The following DNM3 variants were observed in gnomAD, a reference collection of about 807,000 sequenced individuals.
DNM3 encodes the protein dynamin 3.
In DNM3, 47 loss-of-function variants were observed where a neutral mutation model predicts 101.6. The ratio of observed to expected loss-of-function variants is 0.46; its 90% CI spans 0.37 to 0.59. DNM3 has a LOEUF of 0.59. Among genes scored for constraint, DNM3 ranks in the 20% least tolerant of loss-of-function variants. The probability of loss-of-function intolerance (pLI) is 0.00; values close to 1 mark genes in which losing one functional copy is unlikely to be tolerated. For missense variants in DNM3, 849 were observed against 1,085.7 expected, an observed-to-expected ratio of 0.78 and a Z score of 3.06; for synonymous variants, 385 against 387.9, an observed-to-expected ratio of 0.99 and a Z score of 0.09.
intron 14 of DNM3, among the ~76,000 whole-genome samples, chr1:172,195,218 A>G (rs530801953): frequency 6.6e-6 from 1 of 152,092 alleles, no homozygotes; most frequent in East Asian, 1.9e-4. Flanking sequence ...TTAATTTCAA[A>G]TCAAATTATT....
Position 172,388,800 on chromosome 1 carries a change from G to T in DNM3, c.2513G>T (p.Ser838Ile), listed in dbSNP as rs774937727. The change falls in exon 20 of 21, where the codon AGT becomes ATT. Residue 838 changes from serine (S) to isoleucine (I), a missense_variant. Physicochemically the swap from Ser to Ile is moderately radical, Grantham distance 142 (BLOSUM62 -2). Around this residue, in one of 5 missense-constraint regions of DNM3, gnomAD observed 256 missense variants for 311.7 expected, o/e 0.82. Coordinates refer to ENST00000627582, the MANE Select transcript of DNM3 (RefSeq NM_015569.5). ...VPSRPTRAPP[S>I]VPSRRPPPSP... is the part of the protein sequence containing the mutation. Reference sequence around the variant, plus strand: ...TCTAGGCCTACGAGGGCCCCGCCCAGTGTCCCAAGGTAAGGCATGGAGCAG... The same window carrying T: ...TCTAGGCCTACGAGGGCCCCGCCCATTGTCCCAAGGTAAGGCATGGAGCAG... 1 of 1,578,914 alleles carries T rather than the reference G, an allele frequency of 6.3e-7. No individual in the cohort carries two copies.
intron 14 of DNM3, among the ~76,000 whole-genome samples, chr1:172,197,167 C>T (rs879020621): frequency 6.6e-6 from 1 of 152,064 alleles, no homozygotes; most frequent in South Asian, 2.1e-4. Flanking sequence ...AATAGGGAGT[C>T]TTTTCCCCAT....
intron 10 of DNM3, among the ~76,000 whole-genome samples, chr1:172,062,311 T>C (rs78057682): frequency 0.1 from 15,241 of 152,144 alleles, 1,659 homozygotes; most frequent in African/African-American, 0.27. Flanking sequence ...CCTTTTTGGA[T>C]GTTTTCTGAA....
intron 13 of DNM3, among the ~76,000 whole-genome samples, chr1:172,120,040 A>T (rs1179035947): frequency 1.3e-5 from 2 of 152,170 alleles, no homozygotes; most frequent in African/African-American, 4.8e-5. Flanking sequence ...CCTCTCTCGA[A>T]TCTCTTCACC....
intron 14 of DNM3, chr1:172,140,201 G>A (rs2057494416): frequency 6.6e-6 from 1 of 151,982 alleles, no homozygotes; most frequent in Admixed American, 6.6e-5. Context: ...TTTATGCAGT[G>A]ATTAGGTAAG....
chr1:172,303,480 TC>T (rs1449585869), intron 15 of DNM3, among the ~76,000 whole-genome samples: 3 of 151,852 alleles, frequency 2.0e-5, no homozygotes, highest in African/African-American at 7.3e-5. Flanking sequence ...CAGGAGAACT[TC>T]CAACCTAGCA....
At chr1:171,987,851 T>C (rs2045371286) in intron 3 of DNM3, 46 bp downstream of exon 3, 1 of 1,487,534 alleles carries the variant, frequency 6.7e-7, no homozygotes. Flanking sequence ...CAAACATTTA[T>C]ACTACATTAA....
At chr1:171,989,312 A>G (rs1230003350) in intron 4 of DNM3, among the ~76,000 whole-genome samples, 164 bp downstream of exon 4, 1 of 151,932 alleles carries the variant, frequency 6.6e-6, no homozygotes, top group East Asian at 1.9e-4. Context: ...AGTATTTAAT[A>G]TTAAAAAATA....
chr1:172,114,576 C>T (rs951451192), intron 13 of DNM3, among the ~76,000 whole-genome samples: 5 of 152,202 alleles, frequency 3.3e-5, no homozygotes, highest in African/African-American at 1.2e-4. Flanking sequence ...ATCCTTTCCT[C>T]TTCCATGCAC....
rs368051191 is a variant in DNM3 at position 171,937,127 on chromosome 1, T to C, written c.235+15306T>C. On this transcript the variant is annotated intron_variant, in intron 2 of 20. Coordinates refer to ENST00000627582, the MANE Select transcript of DNM3 (RefSeq NM_015569.5). ...TCTCTAGTTTCATAAATTAGACTGATACATAGCAAAAACATTCAAATCTTG... is the reference window on the plus strand; with the variant it reads ...TCTCTAGTTTCATAAATTAGACTGACACATAGCAAAAACATTCAAATCTTG... Among the ~76,000 whole-genome samples, 11 of 152,354 alleles carry C rather than the reference T, an allele frequency of 7.2e-5. No individual in the cohort carries two copies. In the East Asian group the frequency reaches 1.9e-3, roughly 27 times the overall value.
intron 14 of DNM3, among the ~76,000 whole-genome samples, chr1:172,189,518 T>C (rs1454750969): frequency 6.6e-6 from 1 of 152,092 alleles, no homozygotes; most frequent in Non-Finnish European, 1.5e-5. Context: ...TGAGGTCTTC[T>C]TTGATTTATT....
chr1:171,891,553 G>C (rs2037284290), intron 1 of DNM3, among the ~76,000 whole-genome samples: 1 of 151,944 alleles, frequency 6.6e-6, no homozygotes, highest in Admixed American at 6.6e-5. Flanking sequence ...TCATATCCAG[G>C]ATACCACATT....
chr1:172,377,581 T>TATATATATATATATATATATATATA (rs2068676916), intron 17 of DNM3, among the ~76,000 whole-genome samples: 1 of 144,132 alleles, frequency 6.9e-6, no homozygotes, highest in Non-Finnish European at 1.5e-5. Flanking sequence ...TATATATATA[T>TATATATATATATATATATATATATA]TTCATAATCA....
At chr1:172,256,559 A>G (rs974171697) in intron 15 of DNM3, among the ~76,000 whole-genome samples, 1 of 151,856 alleles carries the variant, frequency 6.6e-6, no homozygotes, top group African/African-American at 2.4e-5. Flanking sequence ...TTTATTTCTA[A>G]TATTAATCCT....
intron 13 of DNM3, among the ~76,000 whole-genome samples, chr1:172,128,917 T>A (rs2056785117): frequency 6.6e-6 from 1 of 152,238 alleles, no homozygotes; most frequent in Admixed American, 6.5e-5. Context: ...CAATGGGTTT[T>A]ATAACCTAGT....
chr1:172,316,716 C>A (rs1229837212), intron 16 of DNM3, among the ~76,000 whole-genome samples: 2 of 152,058 alleles, frequency 1.3e-5, no homozygotes, highest in East Asian at 3.9e-4. Context: ...GCACCCAATA[C>A]AGGAGCACCC....
intron 2 of DNM3, among the ~76,000 whole-genome samples, chr1:171,960,958 G>A (rs1446833768): frequency 2.0e-5 from 3 of 152,126 alleles, no homozygotes; most frequent in Non-Finnish European, 4.4e-5. Flanking sequence ...GTTGGAAGTA[G>A]TAGTGGAAGT....
At chr1:172,343,222 C>T (rs1023288793) in intron 17 of DNM3, among the ~76,000 whole-genome samples, 1 of 152,144 alleles carries the variant, frequency 6.6e-6, no homozygotes, top group African/African-American at 2.4e-5. Context: ...TTTAACTATT[C>T]CTAGCACCAG....
chr1:172,370,662 A>G (rs1573635007), intron 17 of DNM3, among the ~76,000 whole-genome samples: 1 of 152,006 alleles, frequency 6.6e-6, no homozygotes, highest in East Asian at 1.9e-4. Flanking sequence ...GATTTTAGGT[A>G]GTAGTATTAC....
Sources: allele counts gnomAD v4.1 joint callset (sites outside exome capture counted in the v4.1 genomes callset), GRCh38; gene constraint gnomAD v4.1.1; regional missense constraint gnomAD v4.1.1; transcripts MANE v1.5; gene names NCBI Gene and HGNC (gene_info 2026-07-23, HGNC 2026-07-21).